FSTL4: variants seen among roughly 807,000 people sequenced by gnomAD.
FSTL4 encodes follistatin-related protein 4.
FSTL4 carries 28 observed loss-of-function variants against 78.2 expected under a neutral mutation model. The ratio of observed to expected loss-of-function variants is 0.36; its 90% CI spans 0.27 to 0.49. The LOEUF is 0.49. FSTL4 is among the 20% of genes least tolerant of loss of function. FSTL4 has a pLI of 0.98. For synonymous variants in FSTL4, 422 were observed against 440.5 expected (o/e 0.96, Z 0.53); for missense variants, 922 against 1,084.9 (o/e 0.85, Z 2.11).
the FSTL4 span, among the ~76,000 whole-genome samples, chr5:133,785,052 TC>T: frequency 6.6e-6 from 1 of 152,144 alleles, no homozygotes; most frequent in Admixed American, 6.6e-5. Context: ...ACATTCCTGC[TC>T]CTCTGAGCTC....
rs562065452 is a variant in FSTL4 at position 133,202,093 on chromosome 5, A to G, written c.1717-51T>C. The G allele has an allele frequency of 1.6e-4, 203 of 1,234,422 alleles. 2 individuals are homozygous for G. The South Asian group carries it at 2.7e-3, about 17-fold the overall frequency. The allele number at this position is 1,234,422 out of a possible 1,614,324, so 76.5% of individuals were successfully genotyped here. ...TGAGGGCCCATGCAGGTGGGGGCTG[A>G]ACCTGGAGACACCTGTACGCTCAGG... On this transcript the variant is annotated intron_variant, in intron 14 of 15. Transcript: ENST00000265342.
intron 2 of FSTL4, among the ~76,000 whole-genome samples, chr5:133,575,675 T>C (rs1259482524): frequency 6.6e-6 from 1 of 152,152 alleles, no homozygotes; most frequent in East Asian, 1.9e-4. Flanking sequence ...GTAGCAGAAA[T>C]GTAAGGAGTG....
chr5:133,797,719 A>G, the FSTL4 span, among the ~76,000 whole-genome samples: 1 of 152,000 alleles, frequency 6.6e-6, no homozygotes, highest in East Asian at 1.9e-4. Context: ...TAGGAGTCCA[A>G]CTCAACCTCC....
At chr5:133,509,522 T>G (rs1758681005) in intron 3 of FSTL4, among the ~76,000 whole-genome samples, 1 of 152,192 alleles carries the variant, frequency 6.6e-6, no homozygotes, top group African/African-American at 2.4e-5. Context: ...AGCACCAATT[T>G]ATCCCAAGAA....
chr5:133,524,489 C>A (rs1347568273), intron 3 of FSTL4, among the ~76,000 whole-genome samples: 6 of 152,086 alleles, frequency 3.9e-5, no homozygotes, highest in Non-Finnish European at 7.4e-5. Context: ...CACCATTTGC[C>A]CGTGTGTCAC....
chr5:133,293,019 A>G (rs1227657393), intron 6 of FSTL4, among the ~76,000 whole-genome samples: 1 of 152,244 alleles, frequency 6.6e-6, no homozygotes, highest in Non-Finnish European at 1.5e-5. Context: ...AAGAAAATTA[A>G]AAGAGATCCT....
intron 8 of FSTL4, chr5:133,226,072 C>T (rs561056913): frequency 6.6e-5 from 23 of 348,184 alleles, no homozygotes; most frequent in Middle Eastern, 7.3e-4. Flanking sequence ...ATTCTAAATA[C>T]GATCAGAAGG....
At chr5:133,803,759 C>G in the FSTL4 span, among the ~76,000 whole-genome samples, 14 of 152,322 alleles carry the variant, frequency 9.2e-5, no homozygotes, top group East Asian at 2.5e-3. Flanking sequence ...TACAAAGACC[C>G]TCATGCCAAA....
intron 4 of FSTL4, 145 bp downstream of exon 4, chr5:133,400,593 G>T: frequency 1.4e-6 from 1 of 728,496 alleles, no homozygotes; most frequent in Non-Finnish European, 2.3e-6. Flanking sequence ...AAATGCCACT[G>T]CTGCTATTTT....
chr5:133,761,366 T>G, the FSTL4 span, among the ~76,000 whole-genome samples: 1 of 152,220 alleles, frequency 6.6e-6, no homozygotes, highest in Non-Finnish European at 1.5e-5. Flanking sequence ...ATTCTTGTTA[T>G]AATAAATTTT....
At chr5:133,372,463 G>A (rs892287384) in intron 4 of FSTL4, among the ~76,000 whole-genome samples, 1 of 152,068 alleles carries the variant, frequency 6.6e-6, no homozygotes, top group Non-Finnish European at 1.5e-5. Flanking sequence ...ATGGCCCAAG[G>A]CTCCTAGTCG....
chr5:133,336,079 A>G (rs1444473410), intron 4 of FSTL4, among the ~76,000 whole-genome samples: 1 of 152,210 alleles, frequency 6.6e-6, no homozygotes, highest in Non-Finnish European at 1.5e-5. Flanking sequence ...GTAACTCTAG[A>G]TCCCAGATTG....
chr5:133,804,494 T>G, the FSTL4 span, among the ~76,000 whole-genome samples: 1 of 151,678 alleles, frequency 6.6e-6, no homozygotes, highest in Non-Finnish European at 1.5e-5. Flanking sequence ...ACACAGGGAG[T>G]AAAACTATAT....
intron 3 of FSTL4, among the ~76,000 whole-genome samples, chr5:133,520,749 A>G (rs1448387171): frequency 1.3e-5 from 2 of 152,026 alleles, no homozygotes; most frequent in Admixed American, 6.6e-5. Context: ...GCATACATAT[A>G]TTTCTCACTG....
the FSTL4 span, among the ~76,000 whole-genome samples, chr5:133,776,422 T>C: frequency 6.6e-6 from 1 of 152,162 alleles, no homozygotes; most frequent in African/African-American, 2.4e-5. Flanking sequence ...GTCCTAAAGG[T>C]AGTAATGGTT....
At chr5:133,836,462 A>G in the FSTL4 span, among the ~76,000 whole-genome samples, 3 of 152,148 alleles carry the variant, frequency 2.0e-5, no homozygotes, top group Admixed American at 6.5e-5. Context: ...CCATTTGTAC[A>G]TTGTTGTGTA....
chr5:133,558,077 C>A (rs564851268), intron 3 of FSTL4, among the ~76,000 whole-genome samples: 1 of 152,312 alleles, frequency 6.6e-6, no homozygotes, highest in East Asian at 1.9e-4. Flanking sequence ...GGTGCAGGTA[C>A]ACCAGGTAGA....
Position 133,232,569 on chromosome 5 carries a change from C to T in FSTL4, c.1015+848G>A, listed in dbSNP as rs754550269. On this transcript the variant is annotated intron_variant, in intron 8 of 15. Coordinates refer to ENST00000265342, the MANE Select transcript of FSTL4 (RefSeq NM_015082.2). ...TTGGACTGTGAACTACATCCTCTGC[C>T]AGGCATTTCCCAAGCATTATATACA... Among the ~76,000 whole-genome samples the T allele has an allele frequency of 2.8e-4, 43 of 152,216 alleles. 1 individual carries two copies. Among genetic ancestry groups the T allele is most frequent in the Non-Finnish European group, 5.9e-5 (4 of 68,036 alleles).
chr5:133,708,858 A>G, the FSTL4 span, among the ~76,000 whole-genome samples: 1 of 152,154 alleles, frequency 6.6e-6, no homozygotes, highest in Non-Finnish European at 1.5e-5. Context: ...GCCTTAATTT[A>G]CAGGGAATAG....
Sources: allele counts gnomAD v4.1 joint callset (sites outside exome capture counted in the v4.1 genomes callset), GRCh38; gene constraint gnomAD v4.1.1; transcripts MANE v1.5; gene names NCBI Gene and HGNC (gene_info 2026-07-23, HGNC 2026-07-21).